Variants in KDM5A observed in about 807,000 individuals in gnomAD.
KDM5A encodes lysine-specific demethylase 5A.
Under a neutral mutation model 193.5 loss-of-function variants are expected in KDM5A, and 42 were observed. The observed-to-expected ratio is 0.22, with a 90% CI of 0.17 to 0.28. The LOEUF is 0.28. KDM5A is among the 10% of genes least tolerant of loss of function. The probability of loss-of-function intolerance (pLI) is 1.00; values close to 1 mark genes in which losing one functional copy is unlikely to be tolerated. For synonymous variants in KDM5A, 796 were observed against 718.1 expected (o/e 1.11, Z -1.73); for missense variants, 1,692 against 2,055.1 (o/e 0.82, Z 3.42).
intron 3 of KDM5A, among the ~76,000 whole-genome samples, chr12:366,402 C>G (rs1441886336): frequency 6.6e-6 from 1 of 152,086 alleles, no homozygotes; most frequent in East Asian, 1.9e-4. Context: ...TACAGACAGA[C>G]TACCTACTTA....
At chr12:318,987 G>A (rs887579689) in intron 18 of KDM5A, among the ~76,000 whole-genome samples, 17 of 152,178 alleles carry the variant, frequency 1.1e-4, no homozygotes, top group Non-Finnish European at 1.9e-4. Context: ...AAGGAAGAAC[G>A]GTTCGGGCAG....
intron 4 of KDM5A, 103 bp from the exon 5 acceptor site, chr12:363,200 A>G (rs550420542): frequency 3.8e-6 from 5 of 1,313,268 alleles, no homozygotes; most frequent in African/African-American, 1.5e-5. Flanking sequence ...CTAAAACTAG[A>G]CCGCAATTAT....
intron 2 of KDM5A, 131 bp from the exon 3 acceptor site, chr12:384,284 A>G: frequency 1.4e-6 from 1 of 714,882 alleles, no homozygotes; most frequent in South Asian, 1.4e-5. Flanking sequence ...GCCACACAGC[A>G]GGAGGTGAGC....
intron 24 of KDM5A, among the ~76,000 whole-genome samples, chr12:305,981 T>G (rs1242716177): frequency 1.3e-5 from 2 of 148,900 alleles, no homozygotes; most frequent in African/African-American, 2.5e-5. Flanking sequence ...TTTTTTTTTT[T>G]TTTTTTTTTT....
Position 354,126 on chromosome 12 carries a change from G to A in KDM5A, c.979C>T (p.Leu327=). 1 of 1,613,574 alleles carries A rather than the reference G, an allele frequency of 6.2e-7. No individual in the cohort carries two copies. The highest frequency in any genetic ancestry group is 8.5e-7 in the Non-Finnish European group (1 of 1,179,574). Residue 327 remains leucine, a synonymous_variant, in exon 8 of 28, where the codon CTA becomes TTA. Transcript: ENST00000399788. ...CAGTCTCCTTTGGGCACATCAGGTAGTGGAGGAATTAGACAAAATGTATGA... is the reference window on the plus strand; with the variant it reads ...CAGTCTCCTTTGGGCACATCAGGTAATGGAGGAATTAGACAAAATGTATGA... ...SYHTFCLIPP[L]PDVPKGDWRC...
intron 22 of KDM5A, among the ~76,000 whole-genome samples, chr12:309,322 G>A (rs866309160): frequency 2.0e-5 from 3 of 152,126 alleles, no homozygotes; most frequent in African/African-American, 4.8e-5. Context: ...GGTTTAGCTC[G>A]AATTTTCTCA....
At chr12:324,681 T>C (rs1943761282) in intron 14 of KDM5A, among the ~76,000 whole-genome samples, 1 of 152,010 alleles carries the variant, frequency 6.6e-6, no homozygotes. Context: ...AAGACCAGCC[T>C]GGCCAATATG....
At chr12:349,927 G>C (rs765632041) in intron 10 of KDM5A, among the ~76,000 whole-genome samples, 3 of 148,058 alleles carry the variant, frequency 2.0e-5, no homozygotes, top group East Asian at 4.1e-4. Flanking sequence ...TCGGGAGTTC[G>C]AGACCAGCCT....
At chr12:295,469 A>G (rs950286577) in intron 26 of KDM5A, 104 bp downstream of exon 26, 6 of 1,074,200 alleles carry the variant, frequency 5.6e-6, no homozygotes, top group Non-Finnish European at 8.6e-6. Context: ...TAGACCAGCC[A>G]GATTACTGCC....
At chr12:382,716 G>A (rs763689158) in intron 3 of KDM5A, among the ~76,000 whole-genome samples, 1 of 152,046 alleles carries the variant, frequency 6.6e-6, no homozygotes, top group African/African-American at 2.4e-5. Context: ...AGCGGATCAC[G>A]AGGTCAGAAG....
chr12:388,916 G>T lies in KDM5A; in HGVS notation c.165+11C>A. The T allele has an allele frequency of 6.2e-7, 1 of 1,614,130 alleles. No individual in the cohort carries two copies. The highest frequency in any genetic ancestry group is 1.1e-5 in the South Asian group (1 of 91,072). ...TTCCTTCTCCCCCTCTCTCTTCACA[G>T]ACTGAGGTACCTTGGGCGGCCGAAT... is the stretch of plus-strand genomic sequence containing the variant. On this transcript the variant is annotated intron_variant, in intron 1 of 27. Transcript: ENST00000399788.
Position 285,275 on chromosome 12 carries a change from G to T in KDM5A, c.*181C>A. ...AAGAAGACACCCTCTGCATAGATAT[G>T]TTGATAGAGAATGTAACCCACAGAG... On this transcript the variant is annotated 3_prime_UTR_variant, in exon 28 of 28. Coordinates refer to ENST00000399788, the MANE Select transcript of KDM5A (RefSeq NM_001042603.3). 1.6e-6 allele frequency: 1 copy of T among 619,794 alleles called. No individual in the cohort carries two copies. Among genetic ancestry groups the T allele is most frequent in the Admixed American group, 2.8e-5 (1 of 35,342 alleles). 38.4% of individuals were successfully genotyped at this position (619,794 alleles called of 1,614,324 possible). A position where few individuals can be genotyped will look rare whatever the true frequency, so the allele number is the denominator to read the frequency against.
At chr12:321,533 A>C (rs1048363164) in intron 17 of KDM5A, among the ~76,000 whole-genome samples, 1 of 152,212 alleles carries the variant, frequency 6.6e-6, no homozygotes. Context: ...AGTTTCTCCA[A>C]GTGGGGTCAC....
At chr12:368,447 C>T (rs1045317468) in intron 3 of KDM5A, among the ~76,000 whole-genome samples, 1 of 152,126 alleles carries the variant, frequency 6.6e-6, no homozygotes, top group Non-Finnish European at 1.5e-5. Context: ...GTTATATGAC[C>T]TTGGCCAGGC....
chr12:347,303 GA>G (rs1944090676), intron 10 of KDM5A, among the ~76,000 whole-genome samples: 2 of 152,144 alleles, frequency 1.3e-5, no homozygotes, highest in African/African-American at 4.8e-5. Context: ...TCATGGATAG[GA>G]AGAATCAATA....
intron 15 of KDM5A, 28 bp from the exon 16 acceptor site, chr12:323,234 A>AAAAAAAAAAG: frequency 6.7e-7 from 1 of 1,500,910 alleles, no homozygotes; most frequent in Non-Finnish European, 8.9e-7. Flanking sequence ...AAAAAAAAAA[A>AAAAAAAAAAG]AAAAAGAAAA....
At chr12:289,495 T>G (rs1254487500) in intron 27 of KDM5A, among the ~76,000 whole-genome samples, 1 of 152,154 alleles carries the variant, frequency 6.6e-6, no homozygotes, top group Non-Finnish European at 1.5e-5. Flanking sequence ...ATCTTGAAAC[T>G]GAGGCTAGGC....
chr12:315,773 A>G (rs1943644272), intron 19 of KDM5A, among the ~76,000 whole-genome samples: 1 of 152,224 alleles, frequency 6.6e-6, no homozygotes, highest in Non-Finnish European at 1.5e-5. Flanking sequence ...AAGATGGTAT[A>G]ATTTAAAGAA....
intron 5 of KDM5A, 23 bp downstream of exon 5, chr12:362,940 A>G: frequency 6.2e-7 from 1 of 1,612,224 alleles, no homozygotes; most frequent in African/African-American, 1.3e-5. Flanking sequence ...TTAAAAATTT[A>G]AAAAAGCCCA....
Sources: allele counts gnomAD v4.1 joint callset (sites outside exome capture counted in the v4.1 genomes callset), GRCh38; gene constraint gnomAD v4.1.1; transcripts MANE v1.5; gene names NCBI Gene and HGNC (gene_info 2026-07-23, HGNC 2026-07-21).